C3orf22: variants seen among roughly 807,000 people sequenced by gnomAD.
C3orf22 encodes uncharacterized protein C3orf22.
A neutral mutation model predicts 10.8 loss-of-function variants in C3orf22; 7 were observed. That is an observed-to-expected ratio of 0.65 (90% confidence interval 0.37 to 1.22). The LOEUF (loss-of-function observed/expected upper bound fraction) is 1.22, where lower values mean the gene tolerates loss of function less well. Among genes scored for constraint, C3orf22 ranks in the 50% most tolerant of loss-of-function variants. The pLI is 0.02. For synonymous variants in C3orf22, 79 were observed against 78.9 expected (o/e 1.00, Z 0.00); for missense variants, 173 against 177.0 (o/e 0.98, Z 0.13).
At chr3:126,549,359 C>A (rs953266349), downstream of C3orf22, among the ~76,000 whole-genome samples, 2 of 152,096 alleles carry the variant, frequency 1.3e-5, no homozygotes, top group African/African-American at 2.4e-5. Flanking sequence ...TTGTAACAGA[C>A]CTGTACATCA....
At position 126,535,720 on chromosome 3, in the gene C3orf22, G is replaced by T. The variant is rs568528203; in HGVS notation, c.287-6348C>A. Among the ~76,000 whole-genome samples, 170 of 152,380 alleles carry T rather than the reference G, an allele frequency of 1.1e-3. No individual in the cohort carries two copies. In the Middle Eastern group the frequency reaches 0.041, roughly 37 times the overall value. ...GAGATAGCTAAACCTGCTTCCATGT[G>T]AAGCAGCATATTCCCTGATGGGGAA... is the stretch of plus-strand genomic sequence containing the variant. On this transcript the variant is annotated intron_variant and NMD_transcript_variant, in intron 4 of 5. Transcript: ENST00000505070.
At chr3:126,550,109 C>T (rs764524310) in intron 3 of C3orf22, 31 bp from the exon 4 acceptor site, 8 of 1,610,922 alleles carry the variant, frequency 5.0e-6, no homozygotes, top group East Asian at 2.2e-5. Flanking sequence ...CACGCCTGGC[C>T]TTCAGGACCC....
rs1198528494 is a variant in C3orf22 at position 126,542,012 on chromosome 3, G to A, written c.286+7525C>T. The A allele has an allele frequency of 4.5e-6, 7 of 1,562,436 alleles. No homozygotes were observed. Among genetic ancestry groups the A allele is most frequent in the South Asian group, 1.2e-5 (1 of 86,618 alleles). ...GCCTGGCCGCCTGCCCTCACTGGCC[G>A]ACTTCAGCCCCGCCGAGATCAACCG... On this transcript the variant is annotated intron_variant and NMD_transcript_variant, in intron 4 of 5. Coordinates refer to the C3orf22 transcript ENST00000505070.
intron 4 of C3orf22, among the ~76,000 whole-genome samples, chr3:126,539,882 AACAC>A (rs1936910876): frequency 4.0e-3 from 1 of 248 alleles, no homozygotes; most frequent in African/African-American, 0.013. Context: ...CACACACACA[AACAC>A]ACACCACACA....
downstream of C3orf22, chr3:126,549,657 G>A: frequency 5.3e-6 from 8 of 1,516,892 alleles, no homozygotes; most frequent in South Asian, 3.6e-5. Flanking sequence ...GAAAATGAAG[G>A]CTCAGGGAGG....
chr3:126,544,703 C>T (rs778547968), downstream of C3orf22, among the ~76,000 whole-genome samples: 4 of 152,248 alleles, frequency 2.6e-5, no homozygotes, highest in Non-Finnish European at 5.9e-5. Flanking sequence ...CCAGGTGTCT[C>T]ACAATTAGAT....
exon 5 of C3orf22, chr3:126,529,283 G>A (rs1159225021): frequency 7.8e-7 from 1 of 1,275,518 alleles, no homozygotes; most frequent in African/African-American, 1.5e-5. Context: ...TGTCCTGTGT[G>A]CAGCAATCGC....
chr3:126,529,146 G>A (rs1466428179), exon 5 of C3orf22: 12 of 383,308 alleles, frequency 3.1e-5, no homozygotes, highest in Non-Finnish European at 4.2e-5. Context: ...CACAGGGCGC[G>A]AGCCCTGCTT....
At chr3:126,534,219 G>A (rs1208949210) in intron 4 of C3orf22, among the ~76,000 whole-genome samples, 1 of 152,090 alleles carries the variant, frequency 6.6e-6, no homozygotes, top group Non-Finnish European at 1.5e-5. Flanking sequence ...CTGAAAATGG[G>A]ATCCAGAAGC....
chr3:126,528,367 G>C (rs182017017), intron 5 of C3orf22, among the ~76,000 whole-genome samples: 2 of 152,162 alleles, frequency 1.3e-5, no homozygotes, highest in Admixed American at 1.3e-4. Flanking sequence ...TGACCTTCCA[G>C]AGTGATCAAC....
chr3:126,549,252 C>G (rs77442139), downstream of C3orf22, among the ~76,000 whole-genome samples: 161 of 127,148 alleles, frequency 1.3e-3, no homozygotes, highest in Middle Eastern at 0.05. Context: ...CTCATCCACG[C>G]CCCCCCCCCC....
downstream of C3orf22, chr3:126,549,431 T>C: frequency 2.5e-6 from 1 of 407,156 alleles, no homozygotes; most frequent in Non-Finnish European, 4.9e-6. Flanking sequence ...TTTCCGGGAG[T>C]AGTTGTATAA....
At chr3:126,553,958 A>G (rs751017981) in intron 1 of C3orf22, among the ~76,000 whole-genome samples, 2 of 152,224 alleles carry the variant, frequency 1.3e-5, no homozygotes, top group Non-Finnish European at 2.9e-5. Context: ...TTGCATGAAA[A>G]TAAGTCTTCA....
rs147017058 is a variant in C3orf22 at position 126,536,323 on chromosome 3, C to G, written c.287-6951G>C. Reference sequence around the variant, plus strand: ...GCTGGCTTGGTGGGGAGAAGAGAAGCCCCCTGCAGAAGCTCTATGACCTGG... The same window carrying G: ...GCTGGCTTGGTGGGGAGAAGAGAAGGCCCCTGCAGAAGCTCTATGACCTGG... On this transcript the variant is annotated intron_variant and NMD_transcript_variant, in intron 4 of 5. Coordinates refer to the C3orf22 transcript ENST00000505070. The G allele has an allele frequency of 1.4e-3, 2,210 of 1,613,954 alleles. 10 individuals carry two copies. In the Middle Eastern group the frequency reaches 0.016, roughly 12 times the overall value.
At chr3:126,542,805 T>A in intron 4 of C3orf22, 2 of 481,632 alleles carry the variant, frequency 4.2e-6, no homozygotes, top group Non-Finnish European at 6.7e-6. Context: ...GAGGCCTGCT[T>A]CCTCCACTTG....
chr3:126,542,799 C>A (rs1249888412), intron 4 of C3orf22: 3 of 507,780 alleles, frequency 5.9e-6, no homozygotes, highest in Admixed American at 8.8e-5. Flanking sequence ...TCGCCTGAGG[C>A]CTGCTTCCTC....
chr3:126,533,207 C>A (rs760185806), intron 4 of C3orf22, among the ~76,000 whole-genome samples: 2 of 152,082 alleles, frequency 1.3e-5, no homozygotes, highest in Non-Finnish European at 1.5e-5. Flanking sequence ...TACTTTCCAA[C>A]CTGGATGCCT....
chr3:126,558,149 A>G (rs541464483), intron 1 of C3orf22, among the ~76,000 whole-genome samples: 2 of 152,318 alleles, frequency 1.3e-5, no homozygotes, highest in South Asian at 2.1e-4. Flanking sequence ...GCTACATTCT[A>G]TGCATAACCT....
chr3:126,540,478 C>A (rs1936935399), intron 4 of C3orf22, among the ~76,000 whole-genome samples: 1 of 152,162 alleles, frequency 6.6e-6, no homozygotes, highest in African/African-American at 2.4e-5. Flanking sequence ...CTAAGTGGGA[C>A]TGTTTGGCAC....
Sources: allele counts gnomAD v4.1 joint callset (sites outside exome capture counted in the v4.1 genomes callset), GRCh38; gene constraint gnomAD v4.1.1; transcripts MANE v1.5; gene names NCBI Gene and HGNC (gene_info 2026-07-23, HGNC 2026-07-21).